NAA38: variants seen among roughly 807,000 people sequenced by gnomAD.
NAA38 encodes LSM domain containing 1.
In NAA38, 15 loss-of-function variants were observed where a neutral mutation model predicts 12.6. The observed-to-expected ratio is 1.19, with a 90% CI of 0.79 to 1.83. The LOEUF is 1.83. Among genes scored for constraint, NAA38 ranks in the 40% most tolerant of loss-of-function variants. The pLI, the probability that NAA38 is intolerant of heterozygous loss-of-function variation, is 0.00. For synonymous variants in NAA38, 88 were observed against 69.9 expected (o/e 1.26, Z -1.29); for missense variants, 183 against 171.7 (o/e 1.07, Z -0.37).
At chr17:7,857,639 T>G (rs563455354), upstream of NAA38, 11 of 1,348,036 alleles carry the variant, frequency 8.2e-6, no homozygotes, top group Admixed American at 1.1e-4. Context: ...TCTCTAGCGC[T>G]GTGGCTCACT....
chr17:7,882,697 G>A (rs1021096659), intron 2 of NAA38, among the ~76,000 whole-genome samples: 3 of 152,018 alleles, frequency 2.0e-5, no homozygotes, highest in Admixed American at 2.0e-4. Context: ...AAAAAAAAAA[G>A]AGATGGAAAC....
chr17:7,872,521 C>A (rs1967103904), intron 2 of NAA38, among the ~76,000 whole-genome samples: 1 of 152,200 alleles, frequency 6.6e-6, no homozygotes, highest in African/African-American at 2.4e-5. Flanking sequence ...CGCCACCACG[C>A]CCGGCTAATT....
chr17:7,858,438 G>T, upstream of NAA38: 8 of 1,614,222 alleles, frequency 5.0e-6, no homozygotes, highest in Non-Finnish European at 5.9e-6. Flanking sequence ...GGAAGTTGCA[G>T]GCCAGGATAT....
chr17:7,885,054 T>TGCCCCCGCC, intron 1 of NAA38: 1 of 976,222 alleles, frequency 1.0e-6, no homozygotes, highest in Non-Finnish European at 1.2e-6. Context: ...CCGCCACCGC[T>TGCCCCCGCC]GCCCCCGCCG....
At chr17:7,884,071 A>AACACACACACACACACACACACACACAC (rs149257134) in intron 1 of NAA38, among the ~76,000 whole-genome samples, 3 of 148,550 alleles carry the variant, frequency 2.0e-5, no homozygotes, top group African/African-American at 7.5e-5. Context: ...ATGCCCCCCC[A>AACACACACACACACACACACACACACAC]ACACACACAC....
Position 7,856,965 on chromosome 17 carries a change from GT to G in NAA38, c.265+49del, listed in dbSNP as rs754749036. On this transcript the variant is annotated intron_variant, in intron 2 of 2. Transcript: ENST00000575771. ...AGGCCCTTAAGGGGAAATGCCTTGC[GT>G]AAGGTTCCGCCACATTACCAGGCGG... 3 of 1,587,296 alleles carry G rather than the reference GT, an allele frequency of 1.9e-6. No homozygotes were observed. In the Admixed American group the frequency reaches 5.1e-5, roughly 27 times the overall value.
At chr17:7,858,324 AGT>A (rs751775558), upstream of NAA38, 85 of 1,610,340 alleles carry the variant, frequency 5.3e-5, no homozygotes, top group South Asian at 1.5e-4. Flanking sequence ...CCGGGGCCGG[AGT>A]GTGTGTGTGT....
At chr17:7,860,763 G>A (rs1017990778), upstream of NAA38, 1 of 152,204 alleles carries the variant, frequency 6.6e-6, no homozygotes, top group Non-Finnish European at 1.5e-5. Flanking sequence ...GCGAAGAGGA[G>A]GCAAGGAAGG....
intron 2 of NAA38, among the ~76,000 whole-genome samples, chr17:7,879,443 G>T (rs972314071): frequency 1.3e-5 from 2 of 151,302 alleles, no homozygotes; most frequent in African/African-American, 4.8e-5. Context: ...CATTTTGTGT[G>T]TATTTTTTTT....
intron 2 of NAA38, among the ~76,000 whole-genome samples, chr17:7,876,021 T>C (rs1049740505): frequency 6.6e-6 from 1 of 152,246 alleles, no homozygotes; most frequent in African/African-American, 2.4e-5. Context: ...GGATATACTA[T>C]ATTTATCCAT....
intron 2 of NAA38, among the ~76,000 whole-genome samples, chr17:7,871,818 C>T (rs1213429173): frequency 6.6e-6 from 1 of 152,124 alleles, no homozygotes; most frequent in Non-Finnish European, 1.5e-5. Context: ...TGATGCCTGG[C>T]TATTTTTTGT....
chr17:7,871,709 C>G (rs537803005), intron 2 of NAA38, among the ~76,000 whole-genome samples: 1 of 152,294 alleles, frequency 6.6e-6, no homozygotes, highest in East Asian at 1.9e-4. Flanking sequence ...GGCTGGAGTG[C>G]AGTGGTGCAA....
intron 1 of NAA38, among the ~76,000 whole-genome samples, chr17:7,883,798 A>C (rs1967373428): frequency 6.6e-6 from 1 of 152,144 alleles, no homozygotes; most frequent in African/African-American, 2.4e-5. Flanking sequence ...AGGGGAAAAA[A>C]ACCTTCACAT....
At chr17:7,857,609 T>A, upstream of NAA38, 1 of 1,368,068 alleles carries the variant, frequency 7.3e-7, no homozygotes, top group Non-Finnish European at 9.4e-7. Context: ...ACGGCACAGA[T>A]CTCGCGAGCT....
chr17:7,885,221 C>A (rs1967614288), upstream of NAA38: 1 of 838,568 alleles, frequency 1.2e-6, no homozygotes, highest in African/African-American at 1.9e-5. Flanking sequence ...GGCCCGTGGC[C>A]CCGCGGCGGT....
intron 2 of NAA38, among the ~76,000 whole-genome samples, chr17:7,876,311 A>C (rs1347459210): frequency 6.6e-6 from 1 of 152,060 alleles, no homozygotes; most frequent in Non-Finnish European, 1.5e-5. Flanking sequence ...TACCTGGTAC[A>C]CTTAACACTT....
upstream of NAA38, chr17:7,857,860 C>G (rs1597871791): frequency 7.3e-7 from 1 of 1,379,214 alleles, no homozygotes; most frequent in Non-Finnish European, 9.4e-7. Context: ...TCTGCCCCAC[C>G]CCGCAACTCC....
chr17:7,875,195 TAAAAC>T (rs1160507678), intron 2 of NAA38, among the ~76,000 whole-genome samples: 2 of 152,154 alleles, frequency 1.3e-5, no homozygotes, highest in East Asian at 1.9e-4. Context: ...ACCCTGTCTC[TAAAAC>T]AAAACAAAAC....
upstream of NAA38, chr17:7,858,144 C>T: frequency 4.3e-6 from 7 of 1,613,512 alleles, no homozygotes; most frequent in Non-Finnish European, 5.9e-6. Context: ...CATGCCGCGC[C>T]GGGGCCTGGT....
Sources: gnomAD v4.1 joint callset for allele counts (sites outside exome capture counted in the v4.1 genomes callset) on GRCh38, gnomAD v4.1.1 for gene constraint, MANE v1.5 for transcripts, NCBI Gene and HGNC (gene_info 2026-07-23, HGNC 2026-07-21) for gene names.